DNAJC1: variants seen among roughly 807,000 people sequenced by gnomAD.
The protein encoded by DNAJC1 is DnaJ heat shock protein family (Hsp40) member C1, also known as dnaJ homolog subfamily C member 1.
A neutral mutation model predicts 76.6 loss-of-function variants in DNAJC1; 58 were observed. The ratio of observed to expected loss-of-function variants is 0.76; its 90% CI spans 0.61 to 0.94. The LOEUF is 0.94. Among genes scored for constraint, DNAJC1 ranks in the 40% least tolerant of loss-of-function variants. The pLI is 0.00. For synonymous variants in DNAJC1, 258 were observed against 267.9 expected (o/e 0.96, Z 0.36); for missense variants, 689 against 677.3 (o/e 1.02, Z -0.19).
intron 1 of DNAJC1, among the ~76,000 whole-genome samples, chr10:21,976,443 T>A (rs1590075749): frequency 6.6e-6 from 1 of 152,186 alleles, no homozygotes; most frequent in Non-Finnish European, 1.5e-5. Context: ...TTTTCCCTAC[T>A]ACCCACAGGT....
intron 8 of DNAJC1, among the ~76,000 whole-genome samples, chr10:21,852,092 T>TAC (rs58289439): frequency 0.015 from 2,251 of 146,152 alleles, 26 homozygotes; most frequent in Admixed American, 0.021. Flanking sequence ...AATTGTGAGA[T>TAC]ACACACACAC....
chr10:21,995,060 G>C (rs1035898436), intron 1 of DNAJC1, among the ~76,000 whole-genome samples: 3 of 151,710 alleles, frequency 2.0e-5, no homozygotes, highest in Non-Finnish European at 4.4e-5. Flanking sequence ...TTAACGAAAA[G>C]TGTGGTAATT....
chr10:21,833,403 G>A (rs1220061511), intron 8 of DNAJC1, among the ~76,000 whole-genome samples: 13 of 152,154 alleles, frequency 8.5e-5, no homozygotes, highest in South Asian at 6.2e-4. Context: ...CCTAGGAGGC[G>A]GAGGTTGCAG....
intron 8 of DNAJC1, among the ~76,000 whole-genome samples, chr10:21,868,548 C>G (rs1024925285): frequency 6.6e-6 from 1 of 152,064 alleles, no homozygotes; most frequent in African/African-American, 2.4e-5. Flanking sequence ...GGGCATTATG[C>G]TAACTATAAA....
intron 8 of DNAJC1, among the ~76,000 whole-genome samples, chr10:21,874,432 TAAAA>T (rs529885111): frequency 7.7e-6 from 1 of 129,292 alleles, no homozygotes; most frequent in Non-Finnish European, 1.7e-5. Flanking sequence ...ACCTGGTCTG[TAAAA>T]AAAAAAAAAA....
intron 8 of DNAJC1, among the ~76,000 whole-genome samples, chr10:21,861,958 G>A (rs957142297): frequency 1.3e-5 from 2 of 151,218 alleles, no homozygotes; most frequent in Non-Finnish European, 2.9e-5. Context: ...CCCTCTTGTT[G>A]CCCAGGCTAG....
intron 1 of DNAJC1, among the ~76,000 whole-genome samples, chr10:21,951,583 A>ACTT (rs10686744): frequency 0.65 from 98,115 of 151,644 alleles, 32,592 homozygotes; most frequent in East Asian, 0.98. Flanking sequence ...TTCATAGTGC[A>ACTT]AGTGCTTCAC....
At chr10:21,953,852 GA>G (rs930719178) in intron 1 of DNAJC1, among the ~76,000 whole-genome samples, 17 of 130,346 alleles carry the variant, frequency 1.3e-4, no homozygotes, top group Non-Finnish European at 2.2e-4. Context: ...AAAAGAAGAG[GA>G]AAAAAAAAAC....
intron 4 of DNAJC1, among the ~76,000 whole-genome samples, chr10:21,920,376 T>C (rs1208884428): frequency 6.6e-6 from 1 of 152,080 alleles, no homozygotes; most frequent in Non-Finnish European, 1.5e-5. Flanking sequence ...TTTTAACCAA[T>C]TGAAGTTAGA....
intron 9 of DNAJC1, among the ~76,000 whole-genome samples, chr10:21,775,176 G>GCAACTTA (rs1219114641): frequency 6.6e-6 from 1 of 151,784 alleles, no homozygotes; most frequent in Admixed American, 6.6e-5. Flanking sequence ...CACTTAAAAG[G>GCAACTTA]CAACTTACAA....
At chr10:21,775,200 C>A (rs147078720) in intron 9 of DNAJC1, among the ~76,000 whole-genome samples, 1 of 151,906 alleles carries the variant, frequency 6.6e-6, no homozygotes, top group African/African-American at 2.4e-5. Flanking sequence ...ACAACAGGTT[C>A]GTTAGATAGC....
At chr10:21,912,709 G>C (rs1836884147) in intron 6 of DNAJC1, among the ~76,000 whole-genome samples, 1 of 152,116 alleles carries the variant, frequency 6.6e-6, no homozygotes, top group African/African-American at 2.4e-5. Flanking sequence ...CTAAGTAGAA[G>C]GGCAGGCGAC....
intron 1 of DNAJC1, among the ~76,000 whole-genome samples, chr10:21,948,052 G>A (rs1158698499): frequency 6.7e-6 from 1 of 149,716 alleles, no homozygotes; most frequent in Non-Finnish European, 1.5e-5. Flanking sequence ...TATAATAAAA[G>A]TATTAATACT....
At chr10:21,771,496 G>T (rs2131621639) in intron 9 of DNAJC1, among the ~76,000 whole-genome samples, 1 of 151,842 alleles carries the variant, frequency 6.6e-6, no homozygotes, top group African/African-American at 2.4e-5. Flanking sequence ...GTTGGGTTTT[G>T]TCAAACACTT....
intron 8 of DNAJC1, among the ~76,000 whole-genome samples, chr10:21,851,104 T>C (rs1352493299): frequency 6.6e-6 from 1 of 152,200 alleles, no homozygotes; most frequent in Non-Finnish European, 1.5e-5. Flanking sequence ...GATTTGACAA[T>C]GCATTCTTAG....
chr10:21,768,547 T>C (rs546311164), intron 9 of DNAJC1, among the ~76,000 whole-genome samples: 3 of 152,348 alleles, frequency 2.0e-5, no homozygotes, highest in African/African-American at 7.2e-5. Context: ...TGGCAGACAG[T>C]AAAGGCTCAG....
intron 8 of DNAJC1, among the ~76,000 whole-genome samples, chr10:21,831,279 C>G (rs532623411): frequency 3.3e-5 from 5 of 152,138 alleles, no homozygotes; most frequent in Admixed American, 2.6e-4. Flanking sequence ...CCTTTGAGAG[C>G]AGGCTAGAGG....
At chr10:21,834,697 C>T (rs891306183) in intron 8 of DNAJC1, among the ~76,000 whole-genome samples, 1 of 152,212 alleles carries the variant, frequency 6.6e-6, no homozygotes. Context: ...TCAGAGGGTC[C>T]TAAGCCCATG....
At chr10:21,911,686 A>G (rs1564825273) in intron 6 of DNAJC1, among the ~76,000 whole-genome samples, 1 of 152,206 alleles carries the variant, frequency 6.6e-6, no homozygotes, top group Admixed American at 6.5e-5. Context: ...CCTACAACTT[A>G]TGTCCTACAG....
Sources: allele counts gnomAD v4.1 joint callset (sites outside exome capture counted in the v4.1 genomes callset), GRCh38; gene constraint gnomAD v4.1.1; transcripts MANE v1.5; gene names NCBI Gene and HGNC (gene_info 2026-07-23, HGNC 2026-07-21).